Variants in LAMA1 observed in about 807,000 individuals in gnomAD.
LAMA1 encodes the protein laminin subunit alpha 1.
LAMA1 carries 219 observed loss-of-function variants against 348.7 expected under a neutral mutation model. The observed-to-expected ratio is 0.63, with a 90% CI of 0.56 to 0.70. LAMA1 has a LOEUF of 0.70. Ranked by LOEUF, LAMA1 falls within the 30% of genes least tolerant of loss-of-function variation. The probability of loss-of-function intolerance (pLI) is 0.00; values close to 1 mark genes in which losing one functional copy is unlikely to be tolerated. For missense variants in LAMA1, 3,744 were observed against 3,888.0 expected, an observed-to-expected ratio of 0.96 and a Z score of 0.99; for synonymous variants, 1,487 against 1,491.0, an observed-to-expected ratio of 1.00 and a Z score of 0.06.
intron 3 of LAMA1, among the ~76,000 whole-genome samples, chr18:7,062,431 G>A (rs2058106023): frequency 2.0e-5 from 3 of 152,132 alleles, no homozygotes; most frequent in Admixed American, 2.0e-4. Flanking sequence ...CGGGCGCCTG[G>A]CCAGGGCTGT....
intron 3 of LAMA1, among the ~76,000 whole-genome samples, chr18:7,072,567 A>C (rs2058150376): frequency 6.6e-6 from 1 of 152,224 alleles, no homozygotes; most frequent in Non-Finnish European, 1.5e-5. Context: ...AATGTATTAG[A>C]CAGCAGTCCA....
At chr18:7,099,073 C>G (rs112959401) in intron 1 of LAMA1, among the ~76,000 whole-genome samples, 92 of 151,958 alleles carry the variant, frequency 6.1e-4, no homozygotes, top group Middle Eastern at 3.4e-3. Flanking sequence ...GTTGCCGTGT[C>G]TGTGTAGAAA....
chr18:6,983,061 C>T, intron 40 of LAMA1, 38 bp downstream of exon 40: 1 of 1,614,018 alleles, frequency 6.2e-7, no homozygotes, highest in Non-Finnish European at 8.5e-7. Flanking sequence ...GAAAAATCTC[C>T]CACAGAGCCC....
chr18:6,956,493 C>T (rs769437694), intron 56 of LAMA1, 143 bp downstream of exon 56: 27 of 1,404,340 alleles, frequency 1.9e-5, no homozygotes, highest in Non-Finnish European at 2.5e-5. Context: ...TGTCCCCGCT[C>T]TGATTTTTAG....
chr18:7,079,930 C>T (rs2058185884), intron 3 of LAMA1, 45 bp downstream of exon 3: 2 of 1,369,180 alleles, frequency 1.5e-6, no homozygotes, highest in Non-Finnish European at 2.1e-6. Context: ...AAGACCACAG[C>T]TCAGCAGCCT....
intron 1 of LAMA1, among the ~76,000 whole-genome samples, chr18:7,097,595 AAGTTGAATGACTT>A (rs2058267369): frequency 6.6e-6 from 1 of 152,146 alleles, no homozygotes; most frequent in Non-Finnish European, 1.5e-5. Flanking sequence ...AAAGTTAACA[AAGTTGAATGACTT>A]ACACTACCTA....
At position 7,037,592 on chromosome 18, in the gene LAMA1, A is replaced by G. The variant is rs768509583; in HGVS notation, c.1723T>C (p.Tyr575His). ...PKYYWAAPEA[Y>H]LGNKLTAFGG... is the part of the protein sequence containing the mutation. The stretch of plus-strand genomic sequence containing the variant: ...GTCACACGCACCTTATTTCCAAGGT[A>G]GGCCTCGGGGGCTGCCCAGTAGTAC... Residue 575 changes from tyrosine to histidine, a missense_variant, in exon 12 of 63, where the codon TAC becomes CAC. Transcript: ENST00000389658. 1 of 1,614,050 alleles carries G rather than the reference A, an allele frequency of 6.2e-7. No individual in the cohort carries two copies. The highest frequency in any genetic ancestry group is 1.3e-5 in the African/African-American group (1 of 75,016).
At chr18:7,025,072 A>G (rs1307312769) in intron 17 of LAMA1, among the ~76,000 whole-genome samples, 1 of 151,968 alleles carries the variant, frequency 6.6e-6, no homozygotes, top group East Asian at 1.9e-4. Flanking sequence ...CTTTTTATAT[A>G]CTGGGAATTC....
At chr18:7,111,238 C>T (rs2058334824) in intron 1 of LAMA1, among the ~76,000 whole-genome samples, 1 of 152,162 alleles carries the variant, frequency 6.6e-6, no homozygotes, top group South Asian at 2.1e-4. Flanking sequence ...TGTGCACGCA[C>T]ACTGAAGTCA....
At chr18:6,976,338 A>G (rs1458240443) in intron 44 of LAMA1, among the ~76,000 whole-genome samples, 1 of 152,170 alleles carries the variant, frequency 6.6e-6, no homozygotes, top group African/African-American at 2.4e-5. Flanking sequence ...CTCATATAAG[A>G]TTTAATTCCT....
At chr18:7,010,085 G>A (rs546920387) in intron 26 of LAMA1, 115 bp downstream of exon 26, 3 of 1,206,292 alleles carry the variant, frequency 2.5e-6, no homozygotes, top group East Asian at 4.7e-5. Context: ...GGGATTACAG[G>A]TGTGAGCCAC....
chr18:6,991,918 G>C (rs552901772), intron 36 of LAMA1, among the ~76,000 whole-genome samples: 3 of 152,282 alleles, frequency 2.0e-5, no homozygotes, highest in African/African-American at 7.2e-5. Flanking sequence ...AACGTCCAGA[G>C]TAGAGTTTTA....
chr18:7,023,986 C>G (rs2057930993), intron 18 of LAMA1, among the ~76,000 whole-genome samples: 1 of 151,978 alleles, frequency 6.6e-6, no homozygotes, highest in Non-Finnish European at 1.5e-5. Context: ...TTACAGGCAC[C>G]CGCCGTCATG....
At chr18:7,032,775 T>C (rs944137306) in intron 15 of LAMA1, among the ~76,000 whole-genome samples, 9 of 152,198 alleles carry the variant, frequency 5.9e-5, no homozygotes, top group African/African-American at 1.7e-4. Context: ...AGTCAGAATA[T>C]TGTCCGGTGC....
intron 1 of LAMA1, among the ~76,000 whole-genome samples, chr18:7,098,750 C>T (rs1344696595): frequency 7.2e-6 from 1 of 139,232 alleles, no homozygotes; most frequent in Non-Finnish European, 1.6e-5. Context: ...GCCAGCCACC[C>T]CGTCCAGGAG....
chr18:6,978,157 C>T (rs200191052), intron 43 of LAMA1, 39 bp downstream of exon 43: 13 of 1,609,002 alleles, frequency 8.1e-6, no homozygotes, highest in African/African-American at 8.0e-5. Context: ...GTCTGCATGA[C>T]GCAGACGATC....
intron 1 of LAMA1, among the ~76,000 whole-genome samples, chr18:7,092,517 C>T (rs1598315522): frequency 6.6e-6 from 1 of 151,118 alleles, no homozygotes; most frequent in African/African-American, 2.4e-5. Flanking sequence ...CGCCGCTACT[C>T]GGGAGGCTGA....
Position 7,017,429 on chromosome 18 carries a change from A to T in LAMA1, c.2702-45T>A, listed in dbSNP as rs569468782. ...GACATATTAACCCTCACTTCTGAGGATGGTTATCATAAGATCCGTCATCCC... is the reference window on the plus strand; with the variant it reads ...GACATATTAACCCTCACTTCTGAGGTTGGTTATCATAAGATCCGTCATCCC... On this transcript the variant is annotated intron_variant, in intron 19 of 62. Transcript: ENST00000389658. 2.4e-5 allele frequency: 32 copies of T among 1,350,036 alleles called. 1 individual carries two copies. In the South Asian group the frequency reaches 3.7e-4, roughly 16 times the overall value. 83.6% of individuals were successfully genotyped at this position (1,350,036 alleles called of 1,614,324 possible).
chr18:6,986,916 G>A (rs932570814), intron 36 of LAMA1, among the ~76,000 whole-genome samples: 3 of 152,052 alleles, frequency 2.0e-5, no homozygotes, highest in African/African-American at 7.2e-5. Flanking sequence ...CTGCCATCAC[G>A]CCCAGCTAAT....
Sources: gnomAD v4.1 joint callset for allele counts (sites outside exome capture counted in the v4.1 genomes callset) on GRCh38, gnomAD v4.1.1 for gene constraint, MANE v1.5 for transcripts, NCBI Gene and HGNC (gene_info 2026-07-23, HGNC 2026-07-21) for gene names.